Variants in AP3B1 observed in about 807,000 individuals in gnomAD.
AP3B1 encodes the protein AP-3 complex subunit beta-1.
AP3B1 carries 61 observed loss-of-function variants against 132.5 expected under a neutral mutation model. The ratio of observed to expected loss-of-function variants is 0.46; its 90% CI spans 0.37 to 0.57. AP3B1 has a LOEUF of 0.57. Among genes scored for constraint, AP3B1 ranks in the 20% least tolerant of loss-of-function variants. AP3B1 has a pLI of 0.00. For synonymous variants in AP3B1, 388 were observed against 438.3 expected, an observed-to-expected ratio of 0.89 and a Z score of 1.43; for missense variants, 1,120 against 1,289.4, an observed-to-expected ratio of 0.87 and a Z score of 2.01.
At chr5:78,152,195 TA>T (rs1753703168) in intron 14 of AP3B1, among the ~76,000 whole-genome samples, 1 of 148,520 alleles carries the variant, frequency 6.7e-6, no homozygotes, top group East Asian at 2.0e-4. Context: ...AATGACCTTG[TA>T]GAATGAATTT....
At chr5:78,223,021 T>TTCTC (rs1346240701) in intron 6 of AP3B1, among the ~76,000 whole-genome samples, 1 of 135,776 alleles carries the variant, frequency 7.4e-6, no homozygotes, top group African/African-American at 2.9e-5. Context: ...GTTTGTTTGT[T>TTCTC]TGTTTCTTTT....
intron 21 of AP3B1, among the ~76,000 whole-genome samples, chr5:78,098,574 A>G (rs1750998131): frequency 6.6e-6 from 1 of 152,264 alleles, no homozygotes; most frequent in African/African-American, 2.4e-5. Context: ...TATGTAAGAT[A>G]TTCAAATGTC....
At chr5:78,213,887 A>G (rs1468050866) in intron 7 of AP3B1, among the ~76,000 whole-genome samples, 1 of 152,228 alleles carries the variant, frequency 6.6e-6, no homozygotes, top group African/African-American at 2.4e-5. Context: ...TTTTAAGCCA[A>G]TGGATCTTTC....
intron 22 of AP3B1, among the ~76,000 whole-genome samples, chr5:78,050,763 TTTTGA>T (rs1346151392): frequency 6.6e-6 from 1 of 152,184 alleles, no homozygotes; most frequent in Non-Finnish European, 1.5e-5. Context: ...AAAACATTAG[TTTTGA>T]TTTAATTGTT....
intron 22 of AP3B1, among the ~76,000 whole-genome samples, chr5:78,056,004 T>C (rs252785): frequency 0.27 from 40,633 of 151,980 alleles, 6,047 homozygotes; most frequent in Admixed American, 0.4. Flanking sequence ...ACTTCTTTAC[T>C]TCCTCAGGAT....
intron 1 of AP3B1, among the ~76,000 whole-genome samples, chr5:78,283,446 T>A (rs761666785): frequency 1.2e-3 from 182 of 152,202 alleles, no homozygotes; most frequent in Non-Finnish European, 1.7e-3. Context: ...CAAACTGAAT[T>A]CTCCCTTCTT....
intron 11 of AP3B1, among the ~76,000 whole-genome samples, chr5:78,169,096 C>T (rs1743793423): frequency 6.6e-6 from 1 of 152,090 alleles, no homozygotes; most frequent in East Asian, 1.9e-4. Context: ...CGTGTATGGG[C>T]ACATTTCTAG....
chr5:78,290,794 C>T (rs918470773), intron 1 of AP3B1, among the ~76,000 whole-genome samples: 5 of 151,856 alleles, frequency 3.3e-5, no homozygotes, highest in African/African-American at 1.2e-4. Context: ...ACAATAAATA[C>T]AAAAATTAGC....
At chr5:78,224,861 A>C (rs1173924987) in intron 6 of AP3B1, among the ~76,000 whole-genome samples, 2 of 152,136 alleles carry the variant, frequency 1.3e-5, no homozygotes, top group Admixed American at 6.6e-5. Flanking sequence ...CACTAACAGA[A>C]TTAAAGAGAC....
At chr5:78,144,661 G>A (rs1249913901) in intron 14 of AP3B1, among the ~76,000 whole-genome samples, 2 of 152,138 alleles carry the variant, frequency 1.3e-5, no homozygotes, top group African/African-American at 4.8e-5. Flanking sequence ...TTGTGAAATG[G>A]CAGGCATCCT....
intron 14 of AP3B1, among the ~76,000 whole-genome samples, chr5:78,151,052 G>C (rs1462278256): frequency 6.6e-6 from 1 of 152,062 alleles, no homozygotes; most frequent in Admixed American, 6.6e-5. Context: ...CCAGGTAGCT[G>C]GGATTACAGG....
chr5:78,237,458 C>T (rs1746925716), intron 3 of AP3B1, among the ~76,000 whole-genome samples: 1 of 152,042 alleles, frequency 6.6e-6, no homozygotes, highest in South Asian at 2.1e-4. Flanking sequence ...CATGCCACTA[C>T]AGTTCCCCCC....
At chr5:78,212,536 A>T (rs577313672) in intron 7 of AP3B1, among the ~76,000 whole-genome samples, 1 of 152,304 alleles carries the variant, frequency 6.6e-6, no homozygotes, top group South Asian at 2.1e-4. Flanking sequence ...TCATCATAAA[A>T]TGGTGCTTAT....
intron 7 of AP3B1, among the ~76,000 whole-genome samples, chr5:78,213,499 TCA>T (rs1317038977): frequency 5.3e-5 from 8 of 152,238 alleles, no homozygotes; most frequent in African/African-American, 1.9e-4. Flanking sequence ...TTCAAATCTT[TCA>T]CACTGCTTCT....
At chr5:78,096,255 C>T (rs1429418178) in intron 21 of AP3B1, among the ~76,000 whole-genome samples, 4 of 152,218 alleles carry the variant, frequency 2.6e-5, no homozygotes, top group Non-Finnish European at 4.4e-5. Flanking sequence ...GCGAGTGATC[C>T]GCCAGCCTTG....
chr5:78,269,871 G>T (rs1047707452), intron 1 of AP3B1, among the ~76,000 whole-genome samples: 2 of 151,884 alleles, frequency 1.3e-5, no homozygotes, highest in Non-Finnish European at 2.9e-5. Flanking sequence ...TATTTTGTGT[G>T]CCTTTTTCAT....
intron 20 of AP3B1, among the ~76,000 whole-genome samples, chr5:78,106,780 G>A (rs1751357774): frequency 6.6e-6 from 1 of 152,198 alleles, no homozygotes; most frequent in Non-Finnish European, 1.5e-5. Flanking sequence ...CAGAATGACA[G>A]AGTAGTCAGA....
At chr5:78,064,493 G>A (rs906770232) in intron 22 of AP3B1, among the ~76,000 whole-genome samples, 1 of 152,134 alleles carries the variant, frequency 6.6e-6, no homozygotes, top group African/African-American at 2.4e-5. Flanking sequence ...GGCTGGGGCT[G>A]CCCCCTTTCA....
intron 1 of AP3B1, among the ~76,000 whole-genome samples, chr5:78,292,679 TACTC>T (rs754524363): frequency 1.8e-4 from 27 of 152,170 alleles, no homozygotes; most frequent in Non-Finnish European, 2.6e-4. Flanking sequence ...TGTGCACAAA[TACTC>T]AATAAATATC....
Sources: allele counts gnomAD v4.1 joint callset (sites outside exome capture counted in the v4.1 genomes callset), GRCh38; gene constraint gnomAD v4.1.1; transcripts MANE v1.5; gene names NCBI Gene and HGNC (gene_info 2026-07-23, HGNC 2026-07-21).